The following CSMD2 variants were observed in gnomAD, a reference collection of about 807,000 sequenced individuals.
CSMD2 encodes the protein CUB and Sushi multiple domains 2.
In CSMD2, 130 loss-of-function variants were observed where a neutral mutation model predicts 398.5. The ratio of observed to expected loss-of-function variants is 0.33; its 90% CI spans 0.28 to 0.38. CSMD2 has a LOEUF of 0.38. Ranked by LOEUF, CSMD2 falls within the 10% of genes least tolerant of loss-of-function variation. The pLI is 1.00. For synonymous variants in CSMD2, 1,828 were observed against 1,908.5 expected (o/e 0.96, Z 1.10); for missense variants, 3,829 against 4,764.9 (o/e 0.80, Z 5.78).
At chr1:33,721,178 C>T (rs560614450) in intron 19 of CSMD2, among the ~76,000 whole-genome samples, 2 of 152,316 alleles carry the variant, frequency 1.3e-5, no homozygotes, top group East Asian at 3.9e-4. Context: ...AACTCCAGGA[C>T]ACCTTCCTAA....
chr1:33,674,970 G>T (rs1270559971), intron 25 of CSMD2, among the ~76,000 whole-genome samples: 3 of 152,124 alleles, frequency 2.0e-5, no homozygotes, highest in Non-Finnish European at 4.4e-5. Context: ...TGTGTAGAGG[G>T]AAATTTATAG....
intron 29 of CSMD2, among the ~76,000 whole-genome samples, chr1:33,641,892 C>A (rs773304998): frequency 9.1e-4 from 138 of 152,162 alleles, no homozygotes; most frequent in Admixed American, 2.6e-4. Flanking sequence ...CTGCTCAATT[C>A]GTATTTACCG....
chr1:33,954,991 G>A (rs1304748591), intron 3 of CSMD2, among the ~76,000 whole-genome samples: 2 of 152,148 alleles, frequency 1.3e-5, no homozygotes, highest in African/African-American at 2.4e-5. Flanking sequence ...ATTTCACCAC[G>A]ATTGAAAATA....
At chr1:33,932,445 C>A (rs6665339) in intron 4 of CSMD2, among the ~76,000 whole-genome samples, 46,964 of 151,824 alleles carry the variant, frequency 0.31, 7,585 homozygotes, top group African/African-American at 0.41. Context: ...TCATTTCAGA[C>A]GACGAAAAAA....
At chr1:34,016,205 GT>G (rs1394272550) in intron 3 of CSMD2, among the ~76,000 whole-genome samples, 7 of 152,050 alleles carry the variant, frequency 4.6e-5, no homozygotes, top group Non-Finnish European at 8.8e-5. Context: ...TGTTACACAG[GT>G]ATACATGTGC....
intron 25 of CSMD2, among the ~76,000 whole-genome samples, chr1:33,678,791 T>C (rs976928824): frequency 6.6e-6 from 1 of 152,076 alleles, no homozygotes; most frequent in Non-Finnish European, 1.5e-5. Flanking sequence ...AAATCCAGCA[T>C]TGGTGTCTAT....
At chr1:33,598,430 G>C (rs902302799) in intron 44 of CSMD2, among the ~76,000 whole-genome samples, 2 of 152,108 alleles carry the variant, frequency 1.3e-5, no homozygotes, top group Non-Finnish European at 2.9e-5. Context: ...TTGGGCTCTG[G>C]TCTGAGCTGG....
chr1:33,697,972 G>A (rs1007371416), intron 24 of CSMD2, among the ~76,000 whole-genome samples: 7 of 152,210 alleles, frequency 4.6e-5, no homozygotes, highest in Non-Finnish European at 1.0e-4. Context: ...GACACGTTGA[G>A]GTTGTGGGAC....
intron 56 of CSMD2, among the ~76,000 whole-genome samples, chr1:33,549,861 C>T (rs1227235912): frequency 1.3e-5 from 2 of 152,162 alleles, no homozygotes; most frequent in Non-Finnish European, 2.9e-5. Flanking sequence ...GAACTGTCCC[C>T]AGGAACTCAT....
chr1:34,007,051 G>A (rs919977987), intron 3 of CSMD2, among the ~76,000 whole-genome samples: 2 of 152,144 alleles, frequency 1.3e-5, no homozygotes, highest in African/African-American at 4.8e-5. Flanking sequence ...AATGACCAGA[G>A]CATCCTGGTG....
rs893038639 is a variant in CSMD2 at position 33,611,138 on chromosome 1, C to T, written c.6246G>A (p.Glu2082=). The change falls in exon 41 of 71, where the codon GAG becomes GAA. Residue 2082 remains glutamate (E), a synonymous_variant. Coordinates refer to ENST00000373381, the MANE Select transcript of CSMD2 (RefSeq NM_001281956.2). ...SRMMGRFSGS[E]LPSSLLSTSH... is the part of the protein sequence containing the mutation. ...ACGTGGAGAGGAGGGAGCTTGGAAGCTCGCTTCCACTGAATCTTCCCATCA... is the reference window on the plus strand; with the variant it reads ...ACGTGGAGAGGAGGGAGCTTGGAAGTTCGCTTCCACTGAATCTTCCCATCA... The T allele has an allele frequency of 1.9e-6, 3 of 1,613,956 alleles. No homozygotes were observed. In the African/African-American group the frequency reaches 4.0e-5, roughly 22 times the overall value.
At chr1:33,542,453 T>A (rs528981038) in intron 58 of CSMD2, among the ~76,000 whole-genome samples, 61 of 152,354 alleles carry the variant, frequency 4.0e-4, no homozygotes, top group Non-Finnish European at 1.0e-4. Context: ...AGCCATCTCA[T>A]ATACAAAATG....
intron 10 of CSMD2, among the ~76,000 whole-genome samples, chr1:33,797,515 C>T (rs1464803149): frequency 1.3e-5 from 2 of 152,210 alleles, no homozygotes; most frequent in African/African-American, 4.8e-5. Flanking sequence ...AGTGGTAGAG[C>T]TGGGACTCCC....
At chr1:33,993,799 T>G (rs1646638152) in intron 3 of CSMD2, among the ~76,000 whole-genome samples, 1 of 152,236 alleles carries the variant, frequency 6.6e-6, no homozygotes, top group South Asian at 2.1e-4. Flanking sequence ...AAACTCACTC[T>G]CCTAGACCCC....
At chr1:33,615,709 T>C (rs1318135744) in intron 39 of CSMD2, among the ~76,000 whole-genome samples, 1 of 152,192 alleles carries the variant, frequency 6.6e-6, no homozygotes, top group Non-Finnish European at 1.5e-5. Context: ...AAATGAATGG[T>C]TTCCATAGCA....
chr1:34,129,323 T>C (rs866627645), intron 1 of CSMD2, among the ~76,000 whole-genome samples: 2 of 152,148 alleles, frequency 1.3e-5, no homozygotes, highest in Admixed American at 1.3e-4. Flanking sequence ...TTACAATACA[T>C]GGAAGGATAT....
intron 5 of CSMD2, among the ~76,000 whole-genome samples, chr1:33,888,789 A>T: frequency 1.8e-5 from 1 of 56,354 alleles, no homozygotes; most frequent in Non-Finnish European, 3.2e-5. Context: ...TGTTGTTGAG[A>T]TGGAGTCTCC....
chr1:33,657,298 T>TCAA (rs890525474), intron 27 of CSMD2, among the ~76,000 whole-genome samples: 1 of 152,074 alleles, frequency 6.6e-6, no homozygotes, highest in East Asian at 1.9e-4. Context: ...AGACTCCATC[T>TCAA]CAACAACAAC....
At chr1:34,076,928 A>AATATATATATATAT (rs1177320523) in intron 2 of CSMD2, among the ~76,000 whole-genome samples, 5 of 53,596 alleles carry the variant, frequency 9.3e-5, no homozygotes, top group African/African-American at 2.6e-4. Flanking sequence ...AAAAAAAAAA[A>AATATATATATATAT]ATATATATAT....
Sources: allele counts gnomAD v4.1 joint callset (sites outside exome capture counted in the v4.1 genomes callset), GRCh38; gene constraint gnomAD v4.1.1; transcripts MANE v1.5; gene names NCBI Gene and HGNC (gene_info 2026-07-23, HGNC 2026-07-21).